The following SVOPL variants were observed in gnomAD, a reference collection of about 807,000 sequenced individuals.
The protein encoded by SVOPL is SVOP like, also known as putative transporter SVOPL.
A neutral mutation model predicts 61.0 loss-of-function variants in SVOPL; 60 were observed. The observed-to-expected ratio is 0.98, with a 90% CI of 0.80 to 1.22. The LOEUF (loss-of-function observed/expected upper bound fraction) is 1.22, where lower values mean the gene tolerates loss of function less well. SVOPL is among the 50% of genes most tolerant of loss of function. The pLI, the probability that SVOPL is intolerant of heterozygous loss-of-function variation, is 0.00. For synonymous variants in SVOPL, 279 were observed against 250.0 expected, an observed-to-expected ratio of 1.12 and a Z score of -1.09; for missense variants, 662 against 643.9, an observed-to-expected ratio of 1.03 and a Z score of -0.30.
chr7:138,623,578 C>T (rs969592559), intron 13 of SVOPL, among the ~76,000 whole-genome samples: 31 of 151,724 alleles, frequency 2.0e-4, no homozygotes, highest in African/African-American at 5.3e-4. Context: ...CCAGCCTGGG[C>T]GACAGAACAA....
chr7:138,659,508 AT>A (rs1176739794), intron 6 of SVOPL, among the ~76,000 whole-genome samples: 3 of 146,898 alleles, frequency 2.0e-5, no homozygotes, highest in Middle Eastern at 3.5e-3. Context: ...AAAAAAAAAA[AT>A]TAATATGTTA....
intron 15 of SVOPL, among the ~76,000 whole-genome samples, chr7:138,596,047 G>C (rs901333097): frequency 1.1e-4 from 17 of 151,922 alleles, no homozygotes; most frequent in Non-Finnish European, 2.4e-4. Context: ...AAATTAGCCA[G>C]GCATGGTGGC....
chr7:138,684,348 C>A (rs11975173), intron 1 of SVOPL, among the ~76,000 whole-genome samples: 82,330 of 147,924 alleles, frequency 0.56, 25,594 homozygotes, highest in African/African-American at 0.85. Flanking sequence ...CTGGGCAACA[C>A]AGCAAGACTC....
intron 4 of SVOPL, among the ~76,000 whole-genome samples, chr7:138,670,287 T>C (rs146554215): frequency 0.011 from 1,623 of 152,296 alleles, 16 homozygotes; most frequent in Middle Eastern, 0.02. Flanking sequence ...GGTAGGATTA[T>C]GAGAGGGGCC....
At chr7:138,683,581 C>G (rs543540687) in intron 1 of SVOPL, among the ~76,000 whole-genome samples, 1 of 152,084 alleles carries the variant, frequency 6.6e-6, no homozygotes, top group African/African-American at 2.4e-5. Flanking sequence ...GTTGGCCAGG[C>G]TGGTCTTGAA....
At chr7:138,637,320 C>A (rs1800514126) in intron 9 of SVOPL, among the ~76,000 whole-genome samples, 1 of 151,586 alleles carries the variant, frequency 6.6e-6, no homozygotes, top group South Asian at 2.1e-4. Flanking sequence ...CCCAGCTACT[C>A]AGGAGGCTGA....
At chr7:138,691,772 C>G (rs1802949034) in intron 1 of SVOPL, among the ~76,000 whole-genome samples, 1 of 151,986 alleles carries the variant, frequency 6.6e-6, no homozygotes, top group African/African-American at 2.4e-5. Flanking sequence ...AACTCCTGAC[C>G]TCAGGTGATC....
chr7:138,604,967 G>A (rs1563082425), intron 14 of SVOPL, among the ~76,000 whole-genome samples: 1 of 151,908 alleles, frequency 6.6e-6, no homozygotes, highest in Non-Finnish European at 1.5e-5. Context: ...TGTAATCCCA[G>A]CACTTTGGGA....
At chr7:138,662,740 T>C in intron 5 of SVOPL, 3 of 1,111,070 alleles carry the variant, frequency 2.7e-6, no homozygotes, top group Non-Finnish European at 2.2e-6. Flanking sequence ...AACCCATGAC[T>C]GCTTCTAAGT....
intron 12 of SVOPL, 154 bp from the exon 13 acceptor site, chr7:138,626,204 G>C: frequency 1.5e-6 from 1 of 673,082 alleles, no homozygotes; most frequent in Non-Finnish European, 2.5e-6. Context: ...TGATTGTGGG[G>C]TCCTTAAGCA....
intron 4 of SVOPL, among the ~76,000 whole-genome samples, chr7:138,668,012 TA>T (rs1302834746): frequency 1.3e-5 from 2 of 152,198 alleles, no homozygotes; most frequent in Non-Finnish European, 2.9e-5. Context: ...AGCTGGAGGT[TA>T]CAAGATTCTG....
intron 15 of SVOPL, among the ~76,000 whole-genome samples, chr7:138,594,904 G>A (rs1382627234): frequency 6.6e-6 from 1 of 150,640 alleles, no homozygotes; most frequent in Non-Finnish European, 1.5e-5. Context: ...ATATACACGT[G>A]TGTGTCTGTG....
At chr7:138,633,646 A>G (rs1209397100) in intron 9 of SVOPL, among the ~76,000 whole-genome samples, 2 of 152,148 alleles carry the variant, frequency 1.3e-5, no homozygotes, top group East Asian at 3.8e-4. Flanking sequence ...GAACAGACAC[A>G]CTGCTCCAGT....
At chr7:138,630,511 A>G (rs1800127946) in intron 9 of SVOPL, among the ~76,000 whole-genome samples, 1 of 152,262 alleles carries the variant, frequency 6.6e-6, no homozygotes, top group African/African-American at 2.4e-5. Context: ...ATATTAAAAA[A>G]GAGTATGAGA....
At chr7:138,653,789 T>G (rs1276057910) in intron 7 of SVOPL, among the ~76,000 whole-genome samples, 1 of 151,816 alleles carries the variant, frequency 6.6e-6, no homozygotes, top group Non-Finnish European at 1.5e-5. Context: ...AAAAATTAGC[T>G]GGGCGTAGTG....
intron 1 of SVOPL, chr7:138,688,983 G>A (rs1360608039): frequency 1.6e-6 from 1 of 644,040 alleles, no homozygotes; most frequent in Non-Finnish European, 2.9e-6. Flanking sequence ...CTGTGAAATG[G>A]TTTGCTATTC....
chr7:138,610,351 CT>C (rs202142801), intron 14 of SVOPL, among the ~76,000 whole-genome samples: 126 of 145,710 alleles, frequency 8.6e-4, no homozygotes, highest in African/African-American at 1.0e-3. Context: ...AATTTATACT[CT>C]TTTTTTTTTT....
intron 12 of SVOPL, among the ~76,000 whole-genome samples, chr7:138,626,403 CTT>C (rs1264036783): frequency 6.6e-6 from 1 of 151,962 alleles, no homozygotes; most frequent in Non-Finnish European, 1.5e-5. Context: ...CATAGTAAGA[CTT>C]TTTTTAAGAC....
chr7:138,620,444 CA>C (rs3080386), intron 14 of SVOPL, among the ~76,000 whole-genome samples: 89 of 87,286 alleles, frequency 1.0e-3, no homozygotes, highest in Middle Eastern at 6.7e-3. Flanking sequence ...TCTTTGCAGC[CA>C]AAAAAAAAAA....
Sources: gnomAD v4.1 joint callset for allele counts (sites outside exome capture counted in the v4.1 genomes callset) on GRCh38, gnomAD v4.1.1 for gene constraint, MANE v1.5 for transcripts, NCBI Gene and HGNC (gene_info 2026-07-23, HGNC 2026-07-21) for gene names.